The following SNTG2 variants were observed in gnomAD, a reference collection of about 807,000 sequenced individuals.
SNTG2 encodes syntrophin gamma 2.
In SNTG2, 74 loss-of-function variants were observed where a neutral mutation model predicts 70.9. The observed-to-expected ratio is 1.04, with a 90% CI of 0.86 to 1.27. The LOEUF (loss-of-function observed/expected upper bound fraction) is 1.27, where lower values mean the gene tolerates loss of function less well. Ranked by LOEUF, SNTG2 falls within the 50% of genes most tolerant of loss-of-function variation. The probability of loss-of-function intolerance (pLI) is 0.00; values close to 1 mark genes in which losing one functional copy is unlikely to be tolerated. For missense variants in SNTG2, 717 were observed against 690.7 expected, an observed-to-expected ratio of 1.04 and a Z score of -0.43; for synonymous variants, 278 against 273.8, an observed-to-expected ratio of 1.02 and a Z score of -0.15.
chr2:1,005,825 A>G (rs866491021), intron 1 of SNTG2, among the ~76,000 whole-genome samples: 2 of 7,148 alleles, frequency 2.8e-4, no homozygotes, highest in African/African-American at 6.6e-4. Context: ...ATATATATAT[A>G]TATATATATA....
chr2:1,218,169 C>A (rs1423148656), intron 9 of SNTG2, among the ~76,000 whole-genome samples: 3 of 152,110 alleles, frequency 2.0e-5, no homozygotes. Flanking sequence ...CATAAGCCTC[C>A]AATCTATGAC....
chr2:1,341,429 T>C (rs1048470570), intron 16 of SNTG2: 1 of 151,358 alleles, frequency 6.6e-6, no homozygotes, highest in Non-Finnish European at 1.5e-5. Flanking sequence ...AAAGGAGGAG[T>C]GGGGTTGCTC....
At chr2:1,141,331 G>C (rs115403636) in intron 6 of SNTG2, among the ~76,000 whole-genome samples, 3 of 152,170 alleles carry the variant, frequency 2.0e-5, no homozygotes, top group African/African-American at 4.8e-5. Context: ...CTTCGGTGCC[G>C]GAACACAAAG....
intron 2 of SNTG2, among the ~76,000 whole-genome samples, chr2:1,089,900 T>G (rs147148000): frequency 6.6e-6 from 1 of 152,362 alleles, no homozygotes; most frequent in Admixed American, 6.5e-5. Flanking sequence ...AGCACTAGAT[T>G]GCTTTGGCTC....
chr2:1,169,891 T>C (rs1250008356), intron 7 of SNTG2, among the ~76,000 whole-genome samples: 1 of 152,222 alleles, frequency 6.6e-6, no homozygotes, highest in Non-Finnish European at 1.5e-5. Context: ...TTTTATTTCA[T>C]TCTTTACAGT....
At chr2:969,930 C>CT (rs1408634700) in intron 1 of SNTG2, among the ~76,000 whole-genome samples, 1 of 152,156 alleles carries the variant, frequency 6.6e-6, no homozygotes, top group East Asian at 1.9e-4. Flanking sequence ...GTGGGCATCC[C>CT]TGTCTGCTTC....
At chr2:1,289,233 C>G (rs1357470373) in intron 14 of SNTG2, among the ~76,000 whole-genome samples, 3 of 152,046 alleles carry the variant, frequency 2.0e-5, no homozygotes, top group Non-Finnish European at 1.5e-5. Flanking sequence ...GTCTGCAGCT[C>G]ATTCTGGAAC....
intron 16 of SNTG2, among the ~76,000 whole-genome samples, chr2:1,333,515 G>T (rs1308460581): frequency 6.6e-6 from 1 of 152,040 alleles, no homozygotes; most frequent in Non-Finnish European, 1.5e-5. Context: ...AAATTTGGAG[G>T]TATCACATTA....
chr2:962,734 A>G (rs1174455185), intron 1 of SNTG2, among the ~76,000 whole-genome samples: 1 of 152,248 alleles, frequency 6.6e-6, no homozygotes, highest in East Asian at 1.9e-4. Flanking sequence ...ATGAAGCCAC[A>G]TAAAACCAAG....
chr2:1,186,095 A>T (rs1263862651), intron 8 of SNTG2, among the ~76,000 whole-genome samples: 2 of 152,160 alleles, frequency 1.3e-5, no homozygotes, highest in Non-Finnish European at 2.9e-5. Flanking sequence ...GATACCCCAT[A>T]TCATAACTCT....
intron 4 of SNTG2, among the ~76,000 whole-genome samples, chr2:1,128,188 A>G (rs1361534955): frequency 6.6e-6 from 1 of 151,920 alleles, no homozygotes. Flanking sequence ...TTCTGAATCT[A>G]TTTAGATGAT....
intron 8 of SNTG2, among the ~76,000 whole-genome samples, chr2:1,188,693 T>G (rs1318888851): frequency 6.6e-6 from 1 of 152,142 alleles, no homozygotes; most frequent in Non-Finnish European, 1.5e-5. Flanking sequence ...ATTTTTAAAG[T>G]TAATACAGTG....
intron 13 of SNTG2, among the ~76,000 whole-genome samples, chr2:1,267,093 A>G (rs1465458039): frequency 1.3e-5 from 2 of 152,146 alleles, no homozygotes; most frequent in African/African-American, 4.8e-5. Flanking sequence ...TCACCGTAAA[A>G]CAGGAAAGTG....
At chr2:1,232,591 C>T (rs1489420782) in intron 9 of SNTG2, among the ~76,000 whole-genome samples, 5 of 152,202 alleles carry the variant, frequency 3.3e-5, no homozygotes, top group Non-Finnish European at 5.9e-5. Context: ...AGCCACCATG[C>T]CCAGCCCACC....
chr2:1,162,486 A>G (rs915488630), intron 6 of SNTG2, among the ~76,000 whole-genome samples: 2 of 152,090 alleles, frequency 1.3e-5, no homozygotes, highest in African/African-American at 2.4e-5. Context: ...TTAAAATTAC[A>G]CTGCACTGAG....
In SNTG2 at chr2:1,142,692, C is replaced by T. The variant is rs372475228; in HGVS notation, c.411+4883C>T. On this transcript the variant is annotated intron_variant, in intron 6 of 16. Transcript: ENST00000308624. ...CTAACCAAGGAAACCAATAGAGTCTCTCTCAAGTAATTAAACAAATTCAAT... is the reference window on the plus strand; with the variant it reads ...CTAACCAAGGAAACCAATAGAGTCTTTCTCAAGTAATTAAACAAATTCAAT... 1.6e-3 allele frequency among the ~76,000 whole-genome samples: 242 copies of T among 152,302 alleles called. 7 individuals carry two copies. The South Asian group carries it at 0.049, about 31-fold the overall frequency.
At chr2:1,221,872 T>C (rs1209636751) in intron 9 of SNTG2, among the ~76,000 whole-genome samples, 2,685 of 3,208 alleles carry the variant, frequency 0.84, 1,289 homozygotes, top group East Asian at 0.97. Context: ...TCTGTCTCTC[T>C]CTCTCTCTGT....
intron 1 of SNTG2, among the ~76,000 whole-genome samples, chr2:999,793 T>C (rs1371931254): frequency 6.6e-6 from 1 of 152,022 alleles, no homozygotes; most frequent in East Asian, 1.9e-4. Context: ...AACAAACACA[T>C]TGCATTCTAC....
At chr2:1,314,291 G>A (rs1464660793) in intron 15 of SNTG2, among the ~76,000 whole-genome samples, 1 of 152,028 alleles carries the variant, frequency 6.6e-6, no homozygotes, top group Non-Finnish European at 1.5e-5. Context: ...CCTGATGGAT[G>A]AGCACATACC....
Sources: gnomAD v4.1 joint callset for allele counts (sites outside exome capture counted in the v4.1 genomes callset) on GRCh38, gnomAD v4.1.1 for gene constraint, MANE v1.5 for transcripts, NCBI Gene and HGNC (gene_info 2026-07-23, HGNC 2026-07-21) for gene names.